The following PTPRM variants were observed in gnomAD, a reference collection of about 807,000 sequenced individuals.
The protein encoded by PTPRM is protein tyrosine phosphatase receptor type M.
PTPRM carries 47 observed loss-of-function variants against 186.7 expected under a neutral mutation model. That is an observed-to-expected ratio of 0.25 (90% CI 0.20 to 0.32). The LOEUF (loss-of-function observed/expected upper bound fraction) is 0.32, where lower values mean the gene tolerates loss of function less well. Among genes scored for constraint, PTPRM ranks in the 10% least tolerant of loss-of-function variants. The probability of loss-of-function intolerance (pLI) is 1.00; values close to 1 mark genes in which losing one functional copy is unlikely to be tolerated. For missense variants in PTPRM, 1,494 were observed against 1,865.0 expected, an observed-to-expected ratio of 0.80 and a Z score of 3.66; for synonymous variants, 668 against 674.9, an observed-to-expected ratio of 0.99 and a Z score of 0.16.
intron 14 of PTPRM, among the ~76,000 whole-genome samples, chr18:8,214,992 A>G (rs150210164): frequency 3.3e-4 from 51 of 152,298 alleles, no homozygotes; most frequent in African/African-American, 1.2e-3. Context: ...CCATAGGACT[A>G]AGCTTGACTA....
rs1049039746 is a variant in PTPRM, at chr18:8,289,386, C to T, written c.2755-6982C>T. Among the ~76,000 whole-genome samples, 3 of 140,374 alleles carry T rather than the reference C, an allele frequency of 2.1e-5. No individual in the cohort carries two copies. The Admixed American group carries it at 2.1e-4, about 10-fold the overall frequency. 92.1% of individuals were successfully genotyped at this position (140,374 alleles called of 152,430 possible). A position where few individuals can be genotyped will look rare whatever the true frequency, so the allele number is the denominator to read the frequency against. ...TGGGGACTGTTTATAGGCATGAAAA[C>T]ATTGTGTGTGTGTATATATATATAT... On this transcript the variant is annotated intron_variant, in intron 19 of 32. Coordinates refer to ENST00000580170, the MANE Select transcript of PTPRM (RefSeq NM_001105244.2).
At position 8,378,061 on chromosome 18, in the gene PTPRM, T is replaced by A. The variant is rs2095707943; in HGVS notation, c.3463-204T>A. ...CATGGTGCTGCAGTGCGTGTGGTGG[T>A]TTGTATTGGGTCCGATTGGTTTTAA... On this transcript the variant is annotated intron_variant, in intron 26 of 32. Transcript: ENST00000580170. 5 of 525,424 alleles carry A rather than the reference T, an allele frequency of 9.5e-6. No individual in the cohort carries two copies. The South Asian group carries it at 1.4e-4, about 15-fold the overall frequency. 32.5% of individuals were successfully genotyped at this position (525,424 alleles called of 1,614,324 possible).
intron 14 of PTPRM, among the ~76,000 whole-genome samples, chr18:8,195,708 G>T (rs543045889): frequency 6.6e-6 from 1 of 152,174 alleles, no homozygotes; most frequent in African/African-American, 2.4e-5. Context: ...TGGGCATAGA[G>T]GGTGGAATAA....
chr18:8,215,984 G>C (rs2094079842), intron 14 of PTPRM, among the ~76,000 whole-genome samples: 1 of 152,256 alleles, frequency 6.6e-6, no homozygotes, highest in Non-Finnish European at 1.5e-5. Context: ...CCTAGCCTAA[G>C]CTCTATCTGT....
At chr18:7,965,948 G>A (rs1013361806) in intron 7 of PTPRM, among the ~76,000 whole-genome samples, 5 of 152,164 alleles carry the variant, frequency 3.3e-5, no homozygotes, top group Non-Finnish European at 7.3e-5. Flanking sequence ...TGCTGCTTGT[G>A]CTTTTAAAAG....
intron 1 of PTPRM, among the ~76,000 whole-genome samples, chr18:7,708,646 A>G (rs1167840102): frequency 6.6e-6 from 1 of 152,146 alleles, no homozygotes; most frequent in Non-Finnish European, 1.5e-5. Context: ...AGGAAAAAAA[A>G]CATGCTTCTT....
chr18:7,617,242 G>A (rs979462130), intron 1 of PTPRM, among the ~76,000 whole-genome samples: 1 of 152,168 alleles, frequency 6.6e-6, no homozygotes, highest in Non-Finnish European at 1.5e-5. Context: ...TTTAAAGGGA[G>A]TTTGGAAAAG....
chr18:8,295,123 G>A (rs150338664), intron 19 of PTPRM, among the ~76,000 whole-genome samples: 49 of 152,274 alleles, frequency 3.2e-4, no homozygotes, highest in African/African-American at 1.2e-3. Flanking sequence ...AACAGAGGAT[G>A]CCAGGCACTG....
Position 7,726,284 on chromosome 18 carries a change from T to A in PTPRM, c.74-47865T>A, listed in dbSNP as rs1309150752. On this transcript the variant is annotated intron_variant, in intron 1 of 32. Coordinates refer to ENST00000580170, the MANE Select transcript of PTPRM (RefSeq NM_001105244.2). The stretch of plus-strand genomic sequence containing the variant: ...TTTGTTCATGGTGGTCATTTACATA[T>A]CTTCTTTCAAAAACGTTTTCAGATC... 2.6e-5 allele frequency among the ~76,000 whole-genome samples: 4 copies of A among 152,196 alleles called. No homozygotes were observed. In the East Asian group the frequency reaches 7.7e-4, roughly 29 times the overall value.
chr18:8,391,060 A>G (rs1445167938), intron 31 of PTPRM, among the ~76,000 whole-genome samples: 2 of 152,172 alleles, frequency 1.3e-5, no homozygotes, highest in African/African-American at 4.8e-5. Flanking sequence ...ATCACATGCC[A>G]CTGTGTACTC....
At chr18:8,269,258 A>G (rs1195679387) in intron 19 of PTPRM, among the ~76,000 whole-genome samples, 1 of 152,042 alleles carries the variant, frequency 6.6e-6, no homozygotes, top group African/African-American at 2.4e-5. Flanking sequence ...TACACAAACT[A>G]TTTGAAAATG....
In PTPRM at chr18:7,973,401, A is replaced by C. The variant is rs144921250; in HGVS notation, c.1132+17987A>C. ...CAAATGCTTTCGAGCATTGAATATT[A>C]ATGATCTTTTAAAACTTAAAAAATC... On this transcript the variant is annotated intron_variant, in intron 7 of 32. Transcript: ENST00000580170. Among the ~76,000 whole-genome samples, 329 of 152,280 alleles carry C rather than the reference A, an allele frequency of 2.2e-3. 1 individual carries two copies. Among genetic ancestry groups the C allele is most frequent in the African/African-American group, 7.7e-3 (321 of 41,554 alleles).
intron 7 of PTPRM, among the ~76,000 whole-genome samples, chr18:7,971,151 C>G (rs1218738155): frequency 3.4e-5 from 2 of 59,264 alleles, no homozygotes; most frequent in East Asian, 5.9e-4. Flanking sequence ...TCAGAAATAA[C>G]GCCGCATACC....
intron 2 of PTPRM, among the ~76,000 whole-genome samples, chr18:7,875,530 T>A (rs1361582172): frequency 1.3e-5 from 2 of 152,090 alleles, no homozygotes; most frequent in Non-Finnish European, 2.9e-5. Context: ...TTCACCATAT[T>A]GGCCAGGCTG....
intron 11 of PTPRM, among the ~76,000 whole-genome samples, chr18:8,099,666 G>A (rs2091197964): frequency 6.6e-6 from 1 of 152,086 alleles, no homozygotes; most frequent in East Asian, 1.9e-4. Flanking sequence ...CTGTGCTCAG[G>A]GGTTCCACCT....
At chr18:7,577,681 TC>T (rs1407160678) in intron 1 of PTPRM, among the ~76,000 whole-genome samples, 1 of 152,204 alleles carries the variant, frequency 6.6e-6, no homozygotes, top group African/African-American at 2.4e-5. Flanking sequence ...GTTTTCTACT[TC>T]CTCAACTTCT....
At position 8,240,805 on chromosome 18, in the gene PTPRM, AGAGAGAGAGAGAGAGAGAG is replaced by A. The variant is rs1188597687; in HGVS notation, c.2301-3252_2301-3234del. Among the ~76,000 whole-genome samples the A allele has an allele frequency of 3.6e-4, 16 of 44,140 alleles. 1 individual carries two copies. Among genetic ancestry groups the A allele is most frequent in the South Asian group, 2.2e-3 (4 of 1,786 alleles). 29.0% of individuals were successfully genotyped at this position (44,140 alleles called of 152,430 possible). A position where few individuals can be genotyped will look rare whatever the true frequency, so the allele number is the denominator to read the frequency against. ...GAGAGAGAGAGAGAGAGAGAGAGAGAGAGAGAGAGAGAGAGAGAGAGAAAGAAAGAAAGAAAGAAAAGAA... is the reference window on the plus strand; with the variant it reads ...GAGAGAGAGAGAGAGAGAGAGAGAGAAGAAAGAAAGAAAGAAAGAAAAGAA... On this transcript the variant is annotated intron_variant, in intron 14 of 32. Transcript: ENST00000580170.
chr18:8,335,080 G>GT (rs1327878251), intron 22 of PTPRM, among the ~76,000 whole-genome samples: 1 of 152,120 alleles, frequency 6.6e-6, no homozygotes, highest in Non-Finnish European at 1.5e-5. Flanking sequence ...CCTTAGTCAT[G>GT]TTTTTTAGTA....
chr18:7,754,182 C>A (rs1286626696), intron 1 of PTPRM, among the ~76,000 whole-genome samples: 2 of 152,094 alleles, frequency 1.3e-5, no homozygotes, highest in Admixed American at 1.3e-4. Context: ...TTTTCTATTT[C>A]TTCTTTACTC....
Sources: allele counts gnomAD v4.1 joint callset (sites outside exome capture counted in the v4.1 genomes callset), GRCh38; gene constraint gnomAD v4.1.1; transcripts MANE v1.5; gene names NCBI Gene and HGNC (gene_info 2026-07-23, HGNC 2026-07-21).